NUDT3: variants seen among roughly 807,000 people sequenced by gnomAD.
The protein encoded by NUDT3 is diphosphoinositol polyphosphate phosphohydrolase 1.
NUDT3 carries 9 observed loss-of-function variants against 23.6 expected under a neutral mutation model. The observed-to-expected ratio is 0.38, with a 90% CI of 0.23 to 0.66. The LOEUF (loss-of-function observed/expected upper bound fraction) is 0.66, where lower values mean the gene tolerates loss of function less well. Among genes scored for constraint, NUDT3 ranks in the 30% least tolerant of loss-of-function variants. The probability of loss-of-function intolerance (pLI) is 0.52; values close to 1 mark genes in which losing one functional copy is unlikely to be tolerated. For missense variants in NUDT3, 172 were observed against 218.5 expected, an observed-to-expected ratio of 0.79 and a Z score of 1.34; for synonymous variants, 86 against 82.6, an observed-to-expected ratio of 1.04 and a Z score of -0.22.
rs192978319 is a variant in NUDT3, at chr6:34,373,459, G to A, written c.99+18805C>T. On this transcript the variant is annotated intron_variant, in intron 1 of 4. Transcript: ENST00000607016. ...TCATAAATAATTGTAGGCCTATTGT[G>A]TATGGAGCACCACGTAGGCACCACA... 3.5e-3 allele frequency among the ~76,000 whole-genome samples: 534 copies of A among 151,628 alleles called. 1 individual carries two copies. The highest frequency in any genetic ancestry group is 5.4e-3 in the Non-Finnish European group (370 of 67,984).
intron 2 of NUDT3, among the ~76,000 whole-genome samples, chr6:34,327,035 G>A (rs185838867): frequency 2.2e-4 from 34 of 151,954 alleles, no homozygotes; most frequent in Non-Finnish European, 4.0e-4. Context: ...CGCGGAGACC[G>A]GTAGTGGCCC....
chr6:34,382,537 G>A (rs1765037758), intron 1 of NUDT3, among the ~76,000 whole-genome samples: 1 of 152,034 alleles, frequency 6.6e-6, no homozygotes, highest in Non-Finnish European at 1.5e-5. Flanking sequence ...TAGGTATAGT[G>A]GCTCACACCT....
rs144734261 is a variant in NUDT3 at position 34,318,293 on chromosome 6, T to C, written c.211-22608A>G. 3.3e-4 allele frequency among the ~76,000 whole-genome samples: 50 copies of C among 152,326 alleles called. No individual in the cohort carries two copies. In the East Asian group the frequency reaches 9.1e-3, roughly 28 times the overall value. ...TCTGCCCAGACTCTGGAAAAGATGA[T>C]GGGGTTGTAAAAAAATTTTTTAAAC... On this transcript the variant is annotated intron_variant, in intron 2 of 4. Transcript: ENST00000607016.
At chr6:34,360,371 C>T (rs1027394953) in intron 1 of NUDT3, among the ~76,000 whole-genome samples, 6 of 151,698 alleles carry the variant, frequency 4.0e-5, no homozygotes, top group South Asian at 4.2e-4. Context: ...GTCAGGAATT[C>T]GAGACCAGCC....
intron 1 of NUDT3, among the ~76,000 whole-genome samples, chr6:34,381,252 A>C (rs1765013188): frequency 6.6e-6 from 1 of 152,096 alleles, no homozygotes; most frequent in Admixed American, 6.6e-5. Flanking sequence ...TCTTGAGCTC[A>C]AGCAATCCTC....
intron 2 of NUDT3, among the ~76,000 whole-genome samples, chr6:34,335,396 A>G (rs1764193895): frequency 1.3e-5 from 2 of 152,108 alleles, no homozygotes; most frequent in Non-Finnish European, 2.9e-5. Flanking sequence ...TTAAATATAA[A>G]AATGTTTAAG....
chr6:34,347,923 C>A (rs1764403487), intron 1 of NUDT3, among the ~76,000 whole-genome samples: 1 of 151,154 alleles, frequency 6.6e-6, no homozygotes, highest in Non-Finnish European at 1.5e-5. Context: ...GGTGCACTTG[C>A]CAGGAGTTCA....
chr6:34,378,119 G>A (rs1186223121), intron 1 of NUDT3, among the ~76,000 whole-genome samples: 2 of 150,378 alleles, frequency 1.3e-5, no homozygotes, highest in African/African-American at 2.5e-5. Context: ...CTAGCCTAGC[G>A]AGATCTTGTC....
At chr6:34,390,611 G>C (rs1278211048) in intron 1 of NUDT3, among the ~76,000 whole-genome samples, 1 of 152,054 alleles carries the variant, frequency 6.6e-6, no homozygotes, top group Non-Finnish European at 1.5e-5. Flanking sequence ...CACCACCTTG[G>C]TCTCCTGAAG....
intron 4 of NUDT3, 71 bp from the exon 5 acceptor site, chr6:34,289,002 A>T: frequency 1.4e-6 from 2 of 1,467,704 alleles, no homozygotes; most frequent in Non-Finnish European, 1.8e-6. Flanking sequence ...TTTTGAGAAA[A>T]TATAGAAAAC....
At chr6:34,327,356 C>A (rs1191216256) in intron 2 of NUDT3, among the ~76,000 whole-genome samples, 2 of 152,006 alleles carry the variant, frequency 1.3e-5, no homozygotes, top group African/African-American at 4.8e-5. Flanking sequence ...TGGTGAAACC[C>A]TGTCTCTACT....
At chr6:34,332,002 G>C (rs1169028268) in intron 2 of NUDT3, among the ~76,000 whole-genome samples, 2 of 152,002 alleles carry the variant, frequency 1.3e-5, no homozygotes, top group Non-Finnish European at 2.9e-5. Context: ...AGCCTCCCAA[G>C]TAACTGGGAC....
intron 2 of NUDT3, among the ~76,000 whole-genome samples, chr6:34,311,461 T>G (rs969079058): frequency 3.9e-5 from 6 of 152,218 alleles, no homozygotes; most frequent in African/African-American, 1.2e-4. Context: ...CAATCCATGT[T>G]AATGAATAGG....
intron 2 of NUDT3, among the ~76,000 whole-genome samples, chr6:34,335,257 T>G (rs1764191534): frequency 6.6e-6 from 1 of 151,974 alleles, no homozygotes; most frequent in Non-Finnish European, 1.5e-5. Flanking sequence ...TGTTATGGAG[T>G]TTTGATGAAG....
chr6:34,347,979 A>G (rs1764404891), intron 1 of NUDT3, among the ~76,000 whole-genome samples: 2 of 149,570 alleles, frequency 1.3e-5, no homozygotes, highest in South Asian at 4.2e-4. Flanking sequence ...CTACCAAAAA[A>G]ATAAATAAAT....
At chr6:34,360,486 A>C (rs1440744541) in intron 1 of NUDT3, among the ~76,000 whole-genome samples, 3 of 152,294 alleles carry the variant, frequency 2.0e-5, no homozygotes, top group African/African-American at 7.2e-5. Flanking sequence ...AGGCAGGAGA[A>C]TCACTTGAAC....
intron 2 of NUDT3, among the ~76,000 whole-genome samples, chr6:34,316,058 G>A (rs963873174): frequency 8.5e-5 from 13 of 152,106 alleles, no homozygotes; most frequent in Non-Finnish European, 1.6e-4. Context: ...GTAGAGACAG[G>A]TCTCTCCGTT....
chr6:34,381,607 T>C (rs1765019183), intron 1 of NUDT3, among the ~76,000 whole-genome samples: 1 of 152,142 alleles, frequency 6.6e-6, no homozygotes, highest in African/African-American at 2.4e-5. Context: ...CTAAAAGTTT[T>C]GTCTTACTAT....
chr6:34,302,030 C>CTATA (rs1763605525), intron 2 of NUDT3, among the ~76,000 whole-genome samples: 1 of 151,882 alleles, frequency 6.6e-6, no homozygotes, highest in African/African-American at 2.4e-5. Context: ...TTCTTTGTAT[C>CTATA]TTTATTTATT....
Sources: allele counts gnomAD v4.1 joint callset (sites outside exome capture counted in the v4.1 genomes callset), GRCh38; gene constraint gnomAD v4.1.1; transcripts MANE v1.5; gene names NCBI Gene and HGNC (gene_info 2026-07-23, HGNC 2026-07-21).